The following POU2F1 variants were observed in gnomAD, a reference collection of about 807,000 sequenced individuals.
POU2F1 encodes POU domain, class 2, transcription factor 1.
Under a neutral mutation model 84.9 loss-of-function variants are expected in POU2F1, and 16 were observed. The ratio of observed to expected loss-of-function variants is 0.19; its 90% CI spans 0.13 to 0.29. The LOEUF is 0.29. POU2F1 is among the 10% of genes least tolerant of loss of function. POU2F1 has a pLI of 1.00. For missense variants in POU2F1, 738 were observed against 942.6 expected (o/e 0.78, Z 2.84); for synonymous variants, 368 against 368.3 (o/e 1.00, Z 0.01).
chr1:167,294,714 A>G (rs1442098759), intron 1 of POU2F1, among the ~76,000 whole-genome samples: 1 of 152,234 alleles, frequency 6.6e-6, no homozygotes, highest in Non-Finnish European at 1.5e-5. Flanking sequence ...TAAAACCACA[A>G]TGAGATACCA....
intron 7 of POU2F1, chr1:167,376,447 A>ATAAG (rs1660338521): frequency 1.1e-5 from 3 of 263,884 alleles, no homozygotes; most frequent in East Asian, 7.7e-5. Flanking sequence ...CATAAATTGG[A>ATAAG]TAAGTTGCTG....
intron 9 of POU2F1, among the ~76,000 whole-genome samples, chr1:167,390,358 G>A (rs1648308808): frequency 6.6e-6 from 1 of 152,312 alleles, no homozygotes; most frequent in East Asian, 1.9e-4. Context: ...TTAAAAGATT[G>A]TATGGAGGAT....
chr1:167,285,753 C>A (rs969115163), intron 1 of POU2F1, among the ~76,000 whole-genome samples: 1 of 152,056 alleles, frequency 6.6e-6, no homozygotes, highest in African/African-American at 2.4e-5. Flanking sequence ...TATTTAATTT[C>A]TTTGTGCAAG....
At chr1:167,414,138 A>G (rs1650153836) in intron 15 of POU2F1, among the ~76,000 whole-genome samples, 1 of 152,250 alleles carries the variant, frequency 6.6e-6, no homozygotes, top group South Asian at 2.1e-4. Context: ...GACAAAACCA[A>G]ACCATGGCCT....
At chr1:167,359,994 G>A (rs12753182) in intron 2 of POU2F1, among the ~76,000 whole-genome samples, 25,932 of 151,768 alleles carry the variant, frequency 0.17, 2,359 homozygotes, top group Non-Finnish European at 0.2. Context: ...CTTTTGAGAC[G>A]TGTCTGTCTT....
At chr1:167,304,338 G>A (rs1654915503) in intron 1 of POU2F1, among the ~76,000 whole-genome samples, 1 of 152,140 alleles carries the variant, frequency 6.6e-6, no homozygotes, top group Non-Finnish European at 1.5e-5. Context: ...ACTCTTGAGA[G>A]TATTACTGTC....
chr1:167,299,695 G>GTTTTTTTTTT (rs571000920), intron 1 of POU2F1, among the ~76,000 whole-genome samples: 65 of 139,378 alleles, frequency 4.7e-4, no homozygotes, highest in African/African-American at 1.8e-3. Flanking sequence ...GGAGACCAGA[G>GTTTTTTTTTT]TTTTTTTTTT....
At chr1:167,246,684 G>A (rs1214778265) in intron 1 of POU2F1, among the ~76,000 whole-genome samples, 2 of 152,184 alleles carry the variant, frequency 1.3e-5, no homozygotes, top group Non-Finnish European at 2.9e-5. Context: ...GTGTAAACCT[G>A]TGCAGTCTTT....
Position 167,396,345 on chromosome 1 carries a change from C to G in POU2F1, c.1047C>G (p.Ile349Met). 6.2e-7 allele frequency: 1 copy of G among 1,614,140 alleles called. No homozygotes were observed. Among genetic ancestry groups the G allele is most frequent in the South Asian group, 1.1e-5 (1 of 91,090 alleles). The change falls in exon 10 of 16, where the codon ATC (isoleucine) becomes ATG (methionine). Residue 349 changes from isoleucine (I) to methionine (M), a missense_variant. Ile to Met is a conservative substitution (Grantham distance 10). Transcript: ENST00000367866. ...GAAATGACTTCAGCCAAACTACCAT[C>G]TCTCGATTTGAAGCCTTGAACCTCA... ...LYGNDFSQTTISRFEALNLSF... is the reference protein window; with the variant it reads ...LYGNDFSQTTMSRFEALNLSF...
chr1:167,371,335 A>G (rs1659986909), intron 4 of POU2F1, among the ~76,000 whole-genome samples: 1 of 152,224 alleles, frequency 6.6e-6, no homozygotes, highest in African/African-American at 2.4e-5. Flanking sequence ...GAAATATGCA[A>G]ATCTATGCAG....
At chr1:167,351,495 G>T (rs1292712004) in intron 2 of POU2F1, among the ~76,000 whole-genome samples, 1 of 129,338 alleles carries the variant, frequency 7.7e-6, no homozygotes, top group East Asian at 2.3e-4. Context: ...CTCCAGCCTG[G>T]TCAGGAAGAA....
At chr1:167,408,102 GGAGTGACTAGTAAGCACAT>G (rs549048339) in intron 13 of POU2F1, among the ~76,000 whole-genome samples, 13 of 152,176 alleles carry the variant, frequency 8.5e-5, no homozygotes, top group Non-Finnish European at 1.5e-4. Flanking sequence ...GGAAGATATA[GGAGTGACTAGTAAGCACAT>G]GGAGAGATAT....
chr1:167,226,280 T>G (rs1648625818), intron 1 of POU2F1, among the ~76,000 whole-genome samples: 1 of 152,222 alleles, frequency 6.6e-6, no homozygotes, highest in African/African-American at 2.4e-5. Context: ...TTGGGGTAAC[T>G]TTGAGTCACC....
At chr1:167,324,678 C>T (rs1462395040) in intron 1 of POU2F1, among the ~76,000 whole-genome samples, 1 of 152,174 alleles carries the variant, frequency 6.6e-6, no homozygotes, top group African/African-American at 2.4e-5. Context: ...TACCTCGGCT[C>T]TCTGTTTAGT....
At chr1:167,228,007 C>T (rs1365193337) in intron 1 of POU2F1, among the ~76,000 whole-genome samples, 1 of 152,224 alleles carries the variant, frequency 6.6e-6, no homozygotes, top group African/African-American at 2.4e-5. Flanking sequence ...CACAAGACTT[C>T]TAACTTTCTC....
chr1:167,374,266 C>A lies in POU2F1; in HGVS notation c.561C>A (p.Ile187=). Residue 187 remains isoleucine, a synonymous_variant, in exon 6 of 16, where the codon ATC becomes ATA. Coordinates refer to ENST00000367866, the MANE Select transcript of POU2F1 (RefSeq NM_002697.4). The stretch of plus-strand genomic sequence containing the variant: ...CTGCTGCCACGCCCATGACGCAGAT[C>A]CCCCTGTCTCAGCCCATACAGATCG... The part of the protein sequence containing the change: ...SASAATPMTQ[I]PLSQPIQIAQ... The A allele has an allele frequency of 6.2e-7, 1 of 1,612,518 alleles. No homozygotes were observed. The highest frequency in any genetic ancestry group is 8.5e-7 in the Non-Finnish European group (1 of 1,179,414).
intron 1 of POU2F1, among the ~76,000 whole-genome samples, chr1:167,305,677 T>G (rs1655017796): frequency 6.6e-6 from 1 of 152,212 alleles, no homozygotes; most frequent in Non-Finnish European, 1.5e-5. Flanking sequence ...GCAGTCATAT[T>G]TAGGACTTTA....
At chr1:167,246,856 G>A (rs1453475292) in intron 1 of POU2F1, among the ~76,000 whole-genome samples, 1 of 152,118 alleles carries the variant, frequency 6.6e-6, no homozygotes, top group Non-Finnish European at 1.5e-5. Context: ...CTTTATGGAA[G>A]GAGTAATACT....
At chr1:167,290,044 T>C (rs1428270066) in intron 1 of POU2F1, among the ~76,000 whole-genome samples, 1 of 152,214 alleles carries the variant, frequency 6.6e-6, no homozygotes, top group Non-Finnish European at 1.5e-5. Flanking sequence ...ATAAAACTTA[T>C]TCCACAAATA....
Sources: allele counts gnomAD v4.1 joint callset (sites outside exome capture counted in the v4.1 genomes callset), GRCh38; gene constraint gnomAD v4.1.1; transcripts MANE v1.5; gene names NCBI Gene and HGNC (gene_info 2026-07-23, HGNC 2026-07-21).